Variants in KCTD13 observed in about 807,000 individuals in gnomAD.
KCTD13 encodes BTB/POZ domain-containing adapter for CUL3-mediated RhoA degradation protein 1.
In KCTD13, 15 loss-of-function variants were observed where a neutral mutation model predicts 32.3. The observed-to-expected ratio is 0.46, with a 90% CI of 0.31 to 0.71. The LOEUF is 0.71. Ranked by LOEUF, KCTD13 falls within the 30% of genes least tolerant of loss-of-function variation. The probability of loss-of-function intolerance (pLI) is 0.05; values close to 1 mark genes in which losing one functional copy is unlikely to be tolerated. For synonymous variants in KCTD13, 189 were observed against 200.1 expected (o/e 0.94, Z 0.47); for missense variants, 337 against 452.6 (o/e 0.74, Z 2.32).
At position 29,906,812 on chromosome 16, in the gene KCTD13, G is replaced by A; in HGVS notation, c.*60C>T. 6.9e-7 allele frequency: 1 copy of A among 1,458,430 alleles called. No individual in the cohort carries two copies. The highest frequency in any genetic ancestry group is 9.5e-7 in the Non-Finnish European group (1 of 1,048,982). The allele number at this position is 1,458,430 out of a possible 1,614,324, so 90.3% of individuals were successfully genotyped here. On this transcript the variant is annotated 3_prime_UTR_variant, in exon 6 of 6. Coordinates refer to ENST00000568000, the MANE Select transcript of KCTD13 (RefSeq NM_178863.5). ...AGCCGGGGCAAAAGTCTGGGAAGGG[G>A]AGGGAAAGAGAGAGGGACTGGGTCC...
intron 2 of KCTD13, chr16:29,914,795 A>G (rs2068780951): frequency 6.6e-6 from 1 of 152,220 alleles, no homozygotes; most frequent in South Asian, 2.1e-4. Flanking sequence ...CCACACTCCC[A>G]GTGTGCAGTG....
chr16:29,908,114 G>C (rs996418324), intron 5 of KCTD13, among the ~76,000 whole-genome samples: 1 of 152,160 alleles, frequency 6.6e-6, no homozygotes, highest in African/African-American at 2.4e-5. Context: ...CACTGAGAAG[G>C]TGATATTTGA....
At chr16:29,918,612 A>T (rs554797449) in intron 2 of KCTD13, among the ~76,000 whole-genome samples, 1 of 151,470 alleles carries the variant, frequency 6.6e-6, no homozygotes, top group Non-Finnish European at 1.5e-5. Flanking sequence ...CTGGGACTAC[A>T]GGCACCCACC....
intron 2 of KCTD13, chr16:29,921,765 T>C (rs1219271520): frequency 1.3e-5 from 2 of 151,878 alleles, no homozygotes; most frequent in Non-Finnish European, 2.9e-5. Flanking sequence ...AGGTCAGGAG[T>C]TCGACACCAG....
Position 29,907,876 on chromosome 16 carries a change from G to A in KCTD13, c.754-768C>T, listed in dbSNP as rs549708820. Among the ~76,000 whole-genome samples, 15 of 152,036 alleles carry A rather than the reference G, an allele frequency of 9.9e-5. 1 individual carries two copies. Among genetic ancestry groups the A allele is most frequent in the African/African-American group, 3.4e-4 (14 of 41,480 alleles). ...ATATAAGCTGGGTGTGGTGTCTCCT[G>A]ACTGTAATCCCAGCACATTGGGAGG... is the stretch of plus-strand genomic sequence containing the variant. On this transcript the variant is annotated intron_variant, in intron 5 of 5. Coordinates refer to ENST00000568000, the MANE Select transcript of KCTD13 (RefSeq NM_178863.5).
chr16:29,922,652 A>G (rs142456008), intron 2 of KCTD13: 1 of 181,286 alleles, frequency 5.5e-6, no homozygotes, highest in Non-Finnish European at 1.1e-5. Flanking sequence ...AGAATCCCCA[A>G]CCCTGTTTTA....
At chr16:29,923,122 T>C (rs577958963) in intron 2 of KCTD13, 68 bp downstream of exon 2, 1 of 1,552,894 alleles carries the variant, frequency 6.4e-7, no homozygotes, top group East Asian at 2.3e-5. Flanking sequence ...ATCTCCTTTT[T>C]TCTGCTCTAA....
intron 4 of KCTD13, 74 bp from the exon 5 acceptor site, chr16:29,911,247 G>A (rs1208614919): frequency 1.7e-6 from 2 of 1,171,234 alleles, no homozygotes; most frequent in East Asian, 2.4e-5. Flanking sequence ...GACGGGCCTG[G>A]ATGCATTCCC....
intron 2 of KCTD13, among the ~76,000 whole-genome samples, chr16:29,918,255 T>C (rs2068843861): frequency 6.6e-6 from 1 of 152,230 alleles, no homozygotes; most frequent in Non-Finnish European, 1.5e-5. Flanking sequence ...ACCATATGCA[T>C]TATTTTATAG....
At chr16:29,911,408 C>T (rs1411507074) in intron 4 of KCTD13, 4 of 565,810 alleles carry the variant, frequency 7.1e-6, no homozygotes, top group African/African-American at 3.8e-5. Flanking sequence ...GGACCGGGAG[C>T]CAGGCCACCT....
Position 29,925,887 on chromosome 16 carries a change from G to A in KCTD13, c.147C>T (p.Gly49=). ...NSKYVKLNVG[G]SLHYTTLRTL... ...TGCGCAGCGTGGTGTAGTGCAACGA[G>A]CCGCCCACGTTCAGCTTCACGTATT... The change falls in exon 1 of 6, where the codon GGC becomes GGT. Residue 49 remains glycine, a synonymous_variant. Transcript: ENST00000568000. 6.2e-7 allele frequency: 1 copy of A among 1,614,094 alleles called. No individual in the cohort carries two copies. The highest frequency in any genetic ancestry group is 1.7e-5 in the Admixed American group (1 of 60,032).
intron 2 of KCTD13, chr16:29,920,520 C>G (rs1451864041): frequency 6.6e-6 from 1 of 151,780 alleles, no homozygotes; most frequent in Non-Finnish European, 1.5e-5. Flanking sequence ...AGGAACTAAA[C>G]TAAAATATGC....
chr16:29,923,212 T>C lies in KCTD13; in HGVS notation c.392A>G (p.Glu131Gly), dbSNP rs2068941718. The C allele has an allele frequency of 1.2e-6, 2 of 1,614,214 alleles. No homozygotes were observed. The highest frequency in any genetic ancestry group is 2.2e-5 in the South Asian group (2 of 91,092). Residue 131 changes from glutamate (E) to glycine (G), a missense_variant, in exon 2 of 6, where the codon GAG (glutamate) becomes GGG (glycine). By Grantham distance (98) the Glu-to-Gly change is moderately conservative. Coordinates refer to ENST00000568000, the MANE Select transcript of KCTD13 (RefSeq NM_178863.5). ...ARYYLVQGLI[E>G]DCQLALQQKR... ...CACCTGCAGCGCCAGCTGGCAGTCC[T>C]CAATCAGGCCCTGCACCAGGTAGTA...
chr16:29,911,017 G>A lies in KCTD13; in HGVS notation c.714C>T (p.Cys238=), dbSNP rs148631517. 3 of 1,614,182 alleles carry A rather than the reference G, an allele frequency of 1.9e-6. No homozygotes were observed. The highest frequency in any genetic ancestry group is 2.5e-6 in the Non-Finnish European group (3 of 1,180,032). ...TCTCCGTAGCATAGACAATGGAGGT[G>A]CAGCACACCTCGGCGATTTTGCGGC... The part of the protein sequence containing the change: ...GQGRKIAEVC[C]TSIVYATEKK... The change falls in exon 5 of 6, where the codon TGC becomes TGT. Residue 238 remains cysteine, a synonymous_variant. Coordinates refer to ENST00000568000, the MANE Select transcript of KCTD13 (RefSeq NM_178863.5).
At chr16:29,925,652 G>A (rs1440830157) in intron 1 of KCTD13, 138 bp downstream of exon 1, 21 of 778,744 alleles carry the variant, frequency 2.7e-5, no homozygotes, top group Middle Eastern at 3.5e-4. Context: ...GGATGTGGGG[G>A]CTGGAGGGAG....
In KCTD13 at chr16:29,926,038, G is replaced by A. The variant is rs749753341; in HGVS notation, c.-5C>T. On this transcript the variant is annotated 5_prime_UTR_variant, in exon 1 of 6. Transcript: ENST00000568000. ...GCCCGAGGCCTCCGCCGACATGCCG[G>A]GTAGCAGCGGCGGACGGCGATCCCA... The A allele has an allele frequency of 6.6e-6, 10 of 1,506,156 alleles. No individual in the cohort carries two copies. The highest frequency in any genetic ancestry group is 2.8e-5 in the African/African-American group (2 of 70,358). The allele number at this position is 1,506,156 out of a possible 1,614,324, so 93.3% of individuals were successfully genotyped here.
intron 2 of KCTD13, among the ~76,000 whole-genome samples, chr16:29,918,101 T>C (rs2068841467): frequency 6.6e-6 from 1 of 152,236 alleles, no homozygotes; most frequent in South Asian, 2.1e-4. Flanking sequence ...ATGGAAAGCA[T>C]GACTTTACAA....
At position 29,926,014 on chromosome 16, in the gene KCTD13, C is replaced by A; in HGVS notation, c.20G>T (p.Gly7Val). The A allele has an allele frequency of 1.3e-6, 2 of 1,546,406 alleles. No individual in the cohort carries two copies. The highest frequency in any genetic ancestry group is 1.7e-6 in the Non-Finnish European group (2 of 1,152,544). MSAEASGPAAAAAPSLE... is the reference protein window; with the variant it reads MSAEASVPAAAAAPSLE... ...GGACGGGGCCGCGGCGGCAGCCGGG[C>A]CCGAGGCCTCCGCCGACATGCCGGG... is the stretch of plus-strand genomic sequence containing the variant. The change falls in exon 1 of 6, where the codon GGC (glycine) becomes GTC (valine). Residue 7 changes from glycine (G) to valine (V), a missense_variant. By Grantham distance (109) the Gly-to-Val change is moderately radical (BLOSUM62 -3). This residue lies in a region of KCTD13 where 64 missense variants were observed against 59.6 expected (regional missense o/e 1.07). Coordinates refer to ENST00000568000, the MANE Select transcript of KCTD13 (RefSeq NM_178863.5).
intron 1 of KCTD13, among the ~76,000 whole-genome samples, chr16:29,923,866 A>C (rs992825102): frequency 1.3e-5 from 2 of 150,544 alleles, no homozygotes; most frequent in East Asian, 2.0e-4. Context: ...AAACAAAAAA[A>C]TAAAAAAAGA....
Sources: allele counts gnomAD v4.1 joint callset (sites outside exome capture counted in the v4.1 genomes callset), GRCh38; gene constraint gnomAD v4.1.1; regional missense constraint gnomAD v4.1.1; transcripts MANE v1.5; gene names NCBI Gene and HGNC (gene_info 2026-07-23, HGNC 2026-07-21).